BCLAF1: variants seen among roughly 807,000 people sequenced by gnomAD.
BCLAF1 encodes BCL2 associated transcription factor 1, also known as bcl-2-associated transcription factor 1.
Under a neutral mutation model 99.5 loss-of-function variants are expected in BCLAF1, and 10 were observed. The observed-to-expected ratio is 0.10, with a 90% CI of 0.06 to 0.17. The LOEUF (loss-of-function observed/expected upper bound fraction) is 0.17, where lower values mean the gene tolerates loss of function less well. BCLAF1 is among the 10% of genes least tolerant of loss of function. BCLAF1 has a pLI of 1.00. For synonymous variants in BCLAF1, 255 were observed against 370.9 expected, an observed-to-expected ratio of 0.69 and a Z score of 3.59; for missense variants, 636 against 1,105.8, an observed-to-expected ratio of 0.58 and a Z score of 6.02.
rs768259130 is a variant in BCLAF1, at chr6:136,276,492, A to C, written c.1033T>G (p.Ser345Ala). The change falls in exon 5 of 13, where the codon TCT becomes GCT. Residue 345 changes from serine (S) to alanine (A), a missense_variant. Ser to Ala is a moderately conservative substitution (Grantham distance 99, BLOSUM62 1). This residue lies in a region of BCLAF1 where 186 missense variants were observed against 275.3 expected (regional missense o/e 0.68). Coordinates refer to ENST00000531224, the MANE Select transcript of BCLAF1 (RefSeq NM_014739.3). ...CCCCTATCAAGCAGGAATACTCTAG[A>C]CTCTTCATCTGTGAACCTGCGAATA... ...KFLKRFTDEE[S>A]RVFLLDRGNT... The C allele has an allele frequency of 8.9e-6, 14 of 1,576,042 alleles. No individual in the cohort carries two copies. The highest frequency in any genetic ancestry group is 1.2e-5 in the Non-Finnish European group (14 of 1,166,684).
chr6:136,258,528 A>G lies in BCLAF1; in HGVS notation c.*2582T>C, dbSNP rs567375231. ...TTCCTAACAGATGCGCTGATATTCT[A>G]AAATAGGCCACAGAAATAAGATGTG... On this transcript the variant is annotated 3_prime_UTR_variant, in exon 13 of 13. Transcript: ENST00000531224. 1 of 152,656 alleles carries G rather than the reference A, an allele frequency of 6.6e-6. No homozygotes were observed. The highest frequency in any genetic ancestry group is 2.4e-5 in the African/African-American group (1 of 41,586). 9.5% of individuals were successfully genotyped at this position (152,656 alleles called of 1,614,324 possible).
At chr6:136,287,304 T>C (rs991202207) in intron 1 of BCLAF1, among the ~76,000 whole-genome samples, 3 of 152,110 alleles carry the variant, frequency 2.0e-5, no homozygotes, top group Non-Finnish European at 4.4e-5. Flanking sequence ...AGCGAGTCTC[T>C]GTCTCAAAAA....
intron 1 of BCLAF1, among the ~76,000 whole-genome samples, chr6:136,288,510 C>A (rs990659007): frequency 2.0e-5 from 3 of 152,164 alleles, no homozygotes; most frequent in Admixed American, 1.3e-4. Context: ...TGAGAATTCA[C>A]AAGAGGAACA....
At chr6:136,269,135 T>C (rs1782157935) in intron 9 of BCLAF1, 1 of 1,219,930 alleles carries the variant, frequency 8.2e-7, no homozygotes, top group South Asian at 1.7e-5. Context: ...GAACCAAAGT[T>C]CTTACACAAA....
At chr6:136,261,705 T>C (rs1226649542) in intron 11 of BCLAF1, among the ~76,000 whole-genome samples, 11 of 152,232 alleles carry the variant, frequency 7.2e-5, no homozygotes, top group African/African-American at 2.6e-4. Flanking sequence ...GCACTGAAGG[T>C]TACCCAGACA....
At chr6:136,279,726 T>A in intron 3 of BCLAF1, 37 bp downstream of exon 3, 1 of 1,492,590 alleles carries the variant, frequency 6.7e-7, no homozygotes, top group East Asian at 2.5e-5. Flanking sequence ...TATTAACTGA[T>A]ATAATTATTT....
chr6:136,284,116 A>ATG (rs879553249), intron 1 of BCLAF1, among the ~76,000 whole-genome samples: 1,861 of 119,922 alleles, frequency 0.016, 24 homozygotes, highest in Non-Finnish European at 0.023. Flanking sequence ...ATACATATAT[A>ATG]TGTGTGTGTG....
rs1351585187 is a variant in BCLAF1 at position 136,269,611 on chromosome 6, C to T, written c.2045G>A (p.Gly682Glu). 1 of 1,587,730 alleles carries T rather than the reference C, an allele frequency of 6.3e-7. No homozygotes were observed. Among genetic ancestry groups the T allele is most frequent in the African/African-American group, 1.4e-5 (1 of 73,266 alleles). Reference protein sequence around the residue: ...ERVFKEENQKGDKKLRCDSAD... With the variant: ...ERVFKEENQKEDKKLRCDSAD... ...AGAGTCACACCTTAATTTTTTATCT[C>T]CCTATAAAAGACAGATATAAAATAC... Residue 682 changes from glycine (G) to glutamate (E), a missense_variant and splice_region_variant, in exon 9 of 13, where the codon GGA becomes GAA. Transcript: ENST00000531224.
intron 2 of BCLAF1, among the ~76,000 whole-genome samples, chr6:136,280,890 T>A (rs550727144): frequency 6.6e-6 from 1 of 152,324 alleles, no homozygotes; most frequent in African/African-American, 2.4e-5. Context: ...CAAAAAGTAT[T>A]CATTTCAATA....
At chr6:136,265,807 ATGTT>A (rs1781632656) in intron 11 of BCLAF1, among the ~76,000 whole-genome samples, 1 of 152,166 alleles carries the variant, frequency 6.6e-6, no homozygotes, top group Non-Finnish European at 1.5e-5. Flanking sequence ...TATATTTAGA[ATGTT>A]TGTTTCTCTA....
chr6:136,273,041 C>T lies in BCLAF1; in HGVS notation c.1958+41G>A, dbSNP rs780431521. The T allele has an allele frequency of 4.0e-6, 6 of 1,486,236 alleles. No homozygotes were observed. In the South Asian group the frequency reaches 7.2e-5, roughly 18 times the overall value. 92.1% of individuals were successfully genotyped at this position (1,486,236 alleles called of 1,614,324 possible). ...TCTTGTTTTAACAGTGTCTTCCTAT[C>T]AAAACAACGTTTTTATATGCCAGTT... On this transcript the variant is annotated intron_variant, in intron 7 of 12. Transcript: ENST00000531224.
At chr6:136,287,288 C>G (rs890879290) in intron 1 of BCLAF1, among the ~76,000 whole-genome samples, 1 of 152,050 alleles carries the variant, frequency 6.6e-6, no homozygotes, top group African/African-American at 2.4e-5. Context: ...CCAGCCCGGG[C>G]TACAGAGCGA....
intron 11 of BCLAF1, among the ~76,000 whole-genome samples, chr6:136,262,400 T>G (rs1272013133): frequency 6.6e-6 from 1 of 152,178 alleles, no homozygotes; most frequent in Non-Finnish European, 1.5e-5. Flanking sequence ...AGAGTACCAG[T>G]AGTGAGCAAC....
At position 136,266,918 on chromosome 6, in the gene BCLAF1, C is replaced by T. The variant is rs75916143; in HGVS notation, c.2544+111G>A. 2.3e-3 allele frequency: 3,042 copies of T among 1,334,130 alleles called. 11 individuals are homozygous for T. Among genetic ancestry groups the T allele is most frequent in the East Asian group, 0.017 (743 of 42,744 alleles). 82.6% of individuals were successfully genotyped at this position (1,334,130 alleles called of 1,614,324 possible). A position where few individuals can be genotyped will look rare whatever the true frequency, so the allele number is the denominator to read the frequency against. The stretch of plus-strand genomic sequence containing the variant: ...GGTAATTATTTTAAAAAAGGTTTCC[C>T]ACATAACGGTGAATCTTCTTATAGT... On this transcript the variant is annotated intron_variant, in intron 11 of 12. Coordinates refer to ENST00000531224, the MANE Select transcript of BCLAF1 (RefSeq NM_014739.3).
At chr6:136,274,993 TA>T (rs1460713759) in intron 6 of BCLAF1, among the ~76,000 whole-genome samples, 4 of 152,184 alleles carry the variant, frequency 2.6e-5, no homozygotes, top group Admixed American at 1.3e-4. Flanking sequence ...GTTTTTCCTT[TA>T]AAAATCCTGA....
intron 11 of BCLAF1, among the ~76,000 whole-genome samples, chr6:136,263,726 T>C (rs1781341081): frequency 6.6e-6 from 1 of 152,146 alleles, no homozygotes; most frequent in African/African-American, 2.4e-5. Context: ...CGATTTTCTC[T>C]TCCTTTGAAG....
rs1783436857 is a variant in BCLAF1 at position 136,276,513 on chromosome 6, G to A, written c.1017-5C>T. On this transcript the variant is annotated splice_region_variant and splice_polypyrimidine_tract_variant and intron_variant, in intron 4 of 12. Coordinates refer to ENST00000531224, the MANE Select transcript of BCLAF1 (RefSeq NM_014739.3). ...CTAGACTCTTCATCTGTGAACCTGCGAATAAGCAAAGAAGAGGATAGTAAC... is the reference window on the plus strand; with the variant it reads ...CTAGACTCTTCATCTGTGAACCTGCAAATAAGCAAAGAAGAGGATAGTAAC... The A allele has an allele frequency of 6.9e-6, 11 of 1,583,214 alleles. No individual in the cohort carries two copies. The highest frequency in any genetic ancestry group is 6.8e-5 in the African/African-American group (5 of 73,454).
At position 136,260,750 on chromosome 6, in the gene BCLAF1, T is replaced by C. The variant is rs1010423161; in HGVS notation, c.*360A>G. 12 of 328,844 alleles carry C rather than the reference T, an allele frequency of 3.6e-5. No homozygotes were observed. The highest frequency in any genetic ancestry group is 2.1e-4 in the African/African-American group (10 of 47,114). The allele number at this position is 328,844 out of a possible 1,614,324, so 20.4% of individuals were successfully genotyped here. ...ATTTATATGTAGAGCTAACGTTTAC[T>C]TCAGAATAAAACATTGACAAACAGG... On this transcript the variant is annotated 3_prime_UTR_variant, in exon 13 of 13. Coordinates refer to ENST00000531224, the MANE Select transcript of BCLAF1 (RefSeq NM_014739.3).
chr6:136,263,823 G>A (rs1360036425), intron 11 of BCLAF1, among the ~76,000 whole-genome samples: 2 of 152,032 alleles, frequency 1.3e-5, no homozygotes, highest in African/African-American at 4.8e-5. Flanking sequence ...TAGAATTTCA[G>A]GTTCTAACTA....
Sources: allele counts gnomAD v4.1 joint callset (sites outside exome capture counted in the v4.1 genomes callset), GRCh38; gene constraint gnomAD v4.1.1; regional missense constraint gnomAD v4.1.1; transcripts MANE v1.5; gene names NCBI Gene and HGNC (gene_info 2026-07-23, HGNC 2026-07-21).